The following ELAVL2 variants were observed in gnomAD, a reference collection of about 807,000 sequenced individuals.
ELAVL2 encodes the protein ELAV like RNA binding protein 2.
A neutral mutation model predicts 34.6 loss-of-function variants in ELAVL2; 4 were observed. The ratio of observed to expected loss-of-function variants is 0.12; its 90% CI spans 0.06 to 0.26. The LOEUF (loss-of-function observed/expected upper bound fraction) is 0.26, where lower values mean the gene tolerates loss of function less well. Ranked by LOEUF, ELAVL2 falls within the 10% of genes least tolerant of loss-of-function variation. The probability of loss-of-function intolerance (pLI) is 1.00; values close to 1 mark genes in which losing one functional copy is unlikely to be tolerated. For missense variants in ELAVL2, 432 were observed against 442.8 expected (o/e 0.98, Z 0.22); for synonymous variants, 193 against 154.8 (o/e 1.25, Z -1.83).
intron 2 of ELAVL2, among the ~76,000 whole-genome samples, chr9:23,745,726 G>A (rs1022906586): frequency 6.6e-6 from 1 of 152,082 alleles, no homozygotes; most frequent in African/African-American, 2.4e-5. Context: ...TTAACTGAAG[G>A]GTTTTAAAGA....
chr9:23,794,299 T>C (rs1428953840), intron 1 of ELAVL2, among the ~76,000 whole-genome samples: 2 of 152,158 alleles, frequency 1.3e-5, no homozygotes, highest in Non-Finnish European at 1.5e-5. Flanking sequence ...TCAGTGACAC[T>C]TTCCTAGAAC....
At chr9:23,792,809 C>A (rs555262282) in intron 1 of ELAVL2, among the ~76,000 whole-genome samples, 3 of 152,100 alleles carry the variant, frequency 2.0e-5, no homozygotes, top group African/African-American at 7.2e-5. Flanking sequence ...CTTACTCTGT[C>A]GCCCAGGATG....
intron 1 of ELAVL2, among the ~76,000 whole-genome samples, chr9:23,781,257 C>A (rs2059023111): frequency 6.6e-6 from 1 of 152,154 alleles, no homozygotes; most frequent in Admixed American, 6.6e-5. Context: ...TGCTTTCATG[C>A]TCTCCTAAAA....
At chr9:23,764,966 TA>T (rs3838725) in intron 1 of ELAVL2, 66 of 1,584,526 alleles carry the variant, frequency 4.2e-5, no homozygotes, top group Admixed American at 1.8e-4. Flanking sequence ...TCCAACATGC[TA>T]AAAAAAAGTA....
At chr9:23,824,141 T>C (rs1382123226) in intron 1 of ELAVL2, among the ~76,000 whole-genome samples, 1 of 152,308 alleles carries the variant, frequency 6.6e-6, no homozygotes, top group East Asian at 1.9e-4. Context: ...AAACCAGACC[T>C]GCAGCCGGTA....
intron 2 of ELAVL2, among the ~76,000 whole-genome samples, chr9:23,739,105 A>G (rs977989961): frequency 6.6e-6 from 1 of 151,380 alleles, no homozygotes; most frequent in African/African-American, 2.5e-5. Context: ...GTACACAAAG[A>G]TATCTTGCAT....
intron 1 of ELAVL2, among the ~76,000 whole-genome samples, chr9:23,825,506 T>TC (rs760052678): frequency 3.3e-5 from 5 of 152,116 alleles, no homozygotes; most frequent in Non-Finnish European, 2.9e-5. Context: ...GAAATGAACT[T>TC]CCGATCTCAA....
At chr9:23,701,856 A>C (rs952200368) in intron 4 of ELAVL2, among the ~76,000 whole-genome samples, 1 of 152,164 alleles carries the variant, frequency 6.6e-6, no homozygotes. Flanking sequence ...CATGCATTCC[A>C]ATCAGCTAAG....
rs1005677712 is a variant in ELAVL2 at position 23,723,880 on chromosome 9, G to A, written c.333+7142C>T. On this transcript the variant is annotated intron_variant, in intron 3 of 6. Transcript: ENST00000397312. The stretch of plus-strand genomic sequence containing the variant: ...CCACATGCCCCTTTCAATTCCACAC[G>A]TGCACACACACACAGACAGCAACAA... Among the ~76,000 whole-genome samples, 3 of 151,870 alleles carry A rather than the reference G, an allele frequency of 2.0e-5. No homozygotes were observed. In the East Asian group the frequency reaches 5.8e-4, roughly 29 times the overall value.
chr9:23,712,692 G>A (rs567438816), intron 3 of ELAVL2, among the ~76,000 whole-genome samples: 2 of 152,194 alleles, frequency 1.3e-5, no homozygotes, highest in African/African-American at 4.8e-5. Flanking sequence ...AAAACAGAAT[G>A]GCAACTGGCT....
chr9:23,841,001 C>A, the ELAVL2 span, among the ~76,000 whole-genome samples: 2 of 152,160 alleles, frequency 1.3e-5, no homozygotes, highest in Non-Finnish European at 2.9e-5. Context: ...CTAACAGAAA[C>A]ACGTGCATTT....
At chr9:23,811,344 A>C (rs1020911759) in intron 1 of ELAVL2, among the ~76,000 whole-genome samples, 7 of 151,458 alleles carry the variant, frequency 4.6e-5, no homozygotes, top group South Asian at 2.1e-4. Flanking sequence ...AAAAAAAAAA[A>C]CCCACGAAAC....
chr9:23,726,203 T>A (rs1373615013), intron 3 of ELAVL2, among the ~76,000 whole-genome samples: 1 of 152,142 alleles, frequency 6.6e-6, no homozygotes, highest in African/African-American at 2.4e-5. Flanking sequence ...TAGGTTTGCT[T>A]AATCACTCTC....
intron 5 of ELAVL2, among the ~76,000 whole-genome samples, chr9:23,697,770 G>A (rs1227431683): frequency 6.6e-6 from 1 of 152,090 alleles, no homozygotes; most frequent in African/African-American, 2.4e-5. Context: ...CTACATGTAA[G>A]TAAGGGGAAA....
chr9:23,712,092 G>C (rs1177700155), intron 3 of ELAVL2, among the ~76,000 whole-genome samples: 1 of 152,114 alleles, frequency 6.6e-6, no homozygotes, highest in Admixed American at 6.5e-5. Context: ...GTGGGGCGGG[G>C]GGAGTCTTAA....
chr9:23,764,322 C>T (rs769288040), intron 1 of ELAVL2, among the ~76,000 whole-genome samples: 7 of 152,112 alleles, frequency 4.6e-5, no homozygotes, highest in Non-Finnish European at 8.8e-5. Context: ...TTAGAAAGGA[C>T]AACAAACACT....
upstream of ELAVL2, among the ~76,000 whole-genome samples, chr9:23,828,568 T>C (rs1197187805): frequency 6.6e-6 from 1 of 152,148 alleles, no homozygotes; most frequent in East Asian, 1.9e-4. Context: ...TGGAAAATAG[T>C]AAACTTGTTC....
the ELAVL2 span, among the ~76,000 whole-genome samples, chr9:23,848,241 C>T: frequency 6.6e-6 from 1 of 152,072 alleles, no homozygotes; most frequent in Non-Finnish European, 1.5e-5. Context: ...TAGTTAAGAA[C>T]ATTGCTAGCT....
intron 3 of ELAVL2, among the ~76,000 whole-genome samples, chr9:23,720,585 C>T (rs951034457): frequency 1.3e-5 from 2 of 152,164 alleles, no homozygotes; most frequent in Admixed American, 6.5e-5. Flanking sequence ...TAATGACACA[C>T]AAATGCCCTG....
Sources: allele counts gnomAD v4.1 joint callset (sites outside exome capture counted in the v4.1 genomes callset), GRCh38; gene constraint gnomAD v4.1.1; transcripts MANE v1.5; gene names NCBI Gene and HGNC (gene_info 2026-07-23, HGNC 2026-07-21).